The following PDCD7 variants were observed in gnomAD, a reference collection of about 807,000 sequenced individuals.
PDCD7 encodes programmed cell death protein 7.
PDCD7 carries 40 observed loss-of-function variants against 42.1 expected under a neutral mutation model. The observed-to-expected ratio is 0.95, with a 90% confidence interval of 0.74 to 1.24. The LOEUF (loss-of-function observed/expected upper bound fraction) is 1.24. Ranked by LOEUF, PDCD7 falls within the 50% of genes most tolerant of loss-of-function variation. The pLI, the probability that PDCD7 is intolerant of heterozygous loss-of-function variation, is 0.00. For missense variants in PDCD7, 644 were observed against 662.8 expected, an observed-to-expected ratio of 0.97 and a Z score of 0.31; for synonymous variants, 299 against 303.3, an observed-to-expected ratio of 0.99 and a Z score of 0.15.
At position 65,118,852 on chromosome 15, in the gene PDCD7, C is replaced by T; in HGVS notation, c.1335-12G>A. On this transcript the variant is annotated splice_polypyrimidine_tract_variant and intron_variant, in intron 4 of 4. Coordinates refer to ENST00000204549, the MANE Select transcript of PDCD7 (RefSeq NM_005707.2). ...GATCCCAATCATGCCTTAATAAGAA[C>T]ATTATAGAACAACTATTTATTTCTG... 2 of 1,539,430 alleles carry T rather than the reference C, an allele frequency of 1.3e-6. No homozygotes were observed. Among genetic ancestry groups the T allele is most frequent in the Non-Finnish European group, 1.8e-6 (2 of 1,142,522 alleles).
rs368851721 is a variant in PDCD7 at position 65,119,918 on chromosome 15, G to A, written c.1046C>T (p.Thr349Met). ...CPPASADETFTHHLQRLRKLI... is the reference protein window; with the variant it reads ...CPPASADETFMHHLQRLRKLI... ...TTTTCTCAGTCGCTGAAGATGATGC[G>A]TAAAAGTCTCATCTGCTGAGGCTGG... The change falls in exon 3 of 5, where the codon ACG (threonine) becomes ATG (methionine). Residue 349 changes from threonine to methionine, a missense_variant. By Grantham distance (81) the Thr-to-Met change is moderately conservative. Coordinates refer to ENST00000204549, the MANE Select transcript of PDCD7 (RefSeq NM_005707.2). 713 of 1,613,896 alleles carry A rather than the reference G, an allele frequency of 4.4e-4. No homozygotes were observed. Among genetic ancestry groups the A allele is most frequent in the Non-Finnish European group, 5.0e-4 (591 of 1,180,014 alleles).
Position 65,133,439 on chromosome 15 carries a change from C to A in PDCD7, c.343G>T (p.Gly115Trp). Residue 115 changes from glycine to tryptophan, a missense_variant, in exon 1 of 5, where the codon GGG (glycine) becomes TGG (tryptophan). Transcript: ENST00000204549. The part of the protein sequence containing the change: ...ERPRPPPPGP[G>W]PPWSPRWPEA... ...GGCCACCGCGGGCTCCAGGGCGGCC[C>A]CGGGCCGGGAGGCGGTGGCCGCGGC... 1.7e-6 allele frequency: 2 copies of A among 1,190,588 alleles called. No homozygotes were observed. Among genetic ancestry groups the A allele is most frequent in the Non-Finnish European group, 1.0e-6 (1 of 961,540 alleles). The allele number at this position is 1,190,588 out of a possible 1,614,324, so 73.8% of individuals were successfully genotyped here.
At position 65,119,904 on chromosome 15, in the gene PDCD7, G is replaced by A. The variant is rs1463463464; in HGVS notation, c.1060C>T (p.Arg354Ter). 9.9e-6 allele frequency: 16 copies of A among 1,613,888 alleles called. No individual in the cohort carries two copies. The highest frequency in any genetic ancestry group is 2.2e-5 in the East Asian group (1 of 44,888). ...ADETFTHHLQRLRKLIKKRSE... is the reference protein window; with the variant it reads ...ADETFTHHLQ The stretch of plus-strand genomic sequence containing the variant: ...CGCTTTTTAATGAGTTTTCTCAGTC[G>A]CTGAAGATGATGCGTAAAAGTCTCA... The change falls in exon 3 of 5, where the codon CGA becomes TGA. Residue 354 changes from arginine to a stop codon, truncating the protein, a stop_gained. Transcript: ENST00000204549. LOFTEE classifies it high-confidence loss of function.
Position 65,129,082 on chromosome 15 carries a change from C to G in PDCD7, c.959G>C (p.Arg320Pro), listed in dbSNP as rs752218944. ...ADTKRMVDILRALEKLRKLRK... is the reference protein window; with the variant it reads ...ADTKRMVDILPALEKLRKLRK... ...CAGTTTCCTCAATTTCTCCAAAGCC[C>G]GTAGAATGTCCACCATTCTTTTGGT... The change falls in exon 2 of 5, where the codon CGG becomes CCG. Residue 320 changes from arginine to proline, a missense_variant. Arg to Pro is a moderately radical substitution (Grantham distance 103). Coordinates refer to ENST00000204549, the MANE Select transcript of PDCD7 (RefSeq NM_005707.2). 9 of 1,613,992 alleles carry G rather than the reference C, an allele frequency of 5.6e-6. No homozygotes were observed. The highest frequency in any genetic ancestry group is 8.5e-7 in the Non-Finnish European group (1 of 1,179,884).
At chr15:65,120,486 C>T (rs2087444797) in intron 2 of PDCD7, among the ~76,000 whole-genome samples, 1 of 152,072 alleles carries the variant, frequency 6.6e-6, no homozygotes, top group Non-Finnish European at 1.5e-5. Flanking sequence ...TGTATGAGGT[C>T]TCACGAGGTC....
In PDCD7 at chr15:65,133,077, C is replaced by T; in HGVS notation, c.705G>A (p.Ala235=). 2 of 1,573,216 alleles carry T rather than the reference C, an allele frequency of 1.3e-6. No individual in the cohort carries two copies. Among genetic ancestry groups the T allele is most frequent in the Non-Finnish European group, 1.7e-6 (2 of 1,166,114 alleles). ...GCCGGACCCTCTCCAGCCTCCTCCG[C>T]GCCTCGCCCACATAGGCAGCCTGGG... is the stretch of plus-strand genomic sequence containing the variant. ...PLTQAAYVGE[A]RRRLERVRRR... Residue 235 remains alanine, a synonymous_variant, in exon 1 of 5, where the codon GCG becomes GCA. Transcript: ENST00000204549.
At chr15:65,131,738 A>G (rs1197847946) in intron 1 of PDCD7, among the ~76,000 whole-genome samples, 3 of 152,138 alleles carry the variant, frequency 2.0e-5, no homozygotes, top group Admixed American at 2.0e-4. Context: ...AACAAGAGCG[A>G]AACTCCATCT....
intron 2 of PDCD7, 58 bp from the exon 3 acceptor site, chr15:65,120,012 G>C: frequency 6.5e-7 from 1 of 1,538,104 alleles, no homozygotes; most frequent in South Asian, 1.2e-5. Flanking sequence ...ACAAGGCCTC[G>C]CTCTAACACC....
At chr15:65,121,692 C>T (rs2087456200) in intron 2 of PDCD7, among the ~76,000 whole-genome samples, 1 of 152,164 alleles carries the variant, frequency 6.6e-6, no homozygotes, top group Admixed American at 6.5e-5. Context: ...GGTCAGCTAA[C>T]AGTATAGCCA....
intron 2 of PDCD7, among the ~76,000 whole-genome samples, chr15:65,120,826 C>T (rs1430060263): frequency 6.6e-6 from 1 of 152,186 alleles, no homozygotes; most frequent in Non-Finnish European, 1.5e-5. Context: ...CCACTGCATC[C>T]AGCCCAAATG....
Position 65,119,025 on chromosome 15 carries a change from T to C in PDCD7, c.1335-185A>G, listed in dbSNP as rs1595925991. ...ATGTACATATAAAAAGAGGAAAAAC[T>C]CTGAAGAACTTAAACCTTATGGATA... is the stretch of plus-strand genomic sequence containing the variant. On this transcript the variant is annotated intron_variant, in intron 4 of 4. Coordinates refer to ENST00000204549, the MANE Select transcript of PDCD7 (RefSeq NM_005707.2). The C allele has an allele frequency of 1.1e-5, 5 of 466,442 alleles. No homozygotes were observed. The East Asian group carries it at 1.7e-4, about 16-fold the overall frequency. The allele number at this position is 466,442 out of a possible 1,614,324, so 28.9% of individuals were successfully genotyped here. A position where few individuals can be genotyped will look rare whatever the true frequency, so the allele number is the denominator to read the frequency against.
Position 65,118,572 on chromosome 15 carries a change from A to G in PDCD7, c.*145T>C, listed in dbSNP as rs531230897. The G allele has an allele frequency of 2.2e-4, 180 of 803,468 alleles. 1 individual carries two copies. The African/African-American group carries it at 2.9e-3, about 13-fold the overall frequency. 49.8% of individuals were successfully genotyped at this position (803,468 alleles called of 1,614,324 possible). A position where few individuals can be genotyped will look rare whatever the true frequency, so the allele number is the denominator to read the frequency against. The stretch of plus-strand genomic sequence containing the variant: ...GAGGCACCTCTGGCCAGCACAGAGC[A>G]CAGAAGGAAAGCATAACTTCAGGGT... On this transcript the variant is annotated 3_prime_UTR_variant, in exon 5 of 5. Transcript: ENST00000204549.
At chr15:65,131,772 C>A (rs1332933283) in intron 1 of PDCD7, among the ~76,000 whole-genome samples, 2 of 151,822 alleles carry the variant, frequency 1.3e-5, no homozygotes, top group African/African-American at 2.4e-5. Flanking sequence ...AAAGAAAATG[C>A]CTTAGAAAAC....
chr15:65,133,390 TCGGCCGGCGGCGGCGG>T lies in PDCD7; in HGVS notation c.376_391del (p.Pro126ThrfsTer61). 1 of 1,194,882 alleles carries T rather than the reference TCGGCCGGCGGCGGCGG, an allele frequency of 8.4e-7. No individual in the cohort carries two copies. Among genetic ancestry groups the T allele is most frequent in the African/African-American group, 1.6e-5 (1 of 62,720 alleles). 74.0% of individuals were successfully genotyped at this position (1,194,882 alleles called of 1,614,324 possible). A position where few individuals can be genotyped will look rare whatever the true frequency, so the allele number is the denominator to read the frequency against. On this transcript the variant is annotated frameshift_variant, in exon 1 of 5. Coordinates refer to ENST00000204549, the MANE Select transcript of PDCD7 (RefSeq NM_005707.2). LOFTEE classifies it high-confidence loss of function. The stretch of plus-strand genomic sequence containing the variant: ...TTGGAGGGCCGCATCCCCGAGCACG[TCGGCCGGCGGCGGCGG>T]CGCCTCAGGCCACCGCGGGCTCCAG...
intron 1 of PDCD7, among the ~76,000 whole-genome samples, chr15:65,129,768 A>AT (rs1302484056): frequency 6.6e-6 from 1 of 152,076 alleles, no homozygotes; most frequent in Non-Finnish European, 1.5e-5. Flanking sequence ...TATCCTCACC[A>AT]TGGAAGCTGG....
At chr15:65,129,455 T>C (rs765734312) in intron 1 of PDCD7, among the ~76,000 whole-genome samples, 1 of 152,224 alleles carries the variant, frequency 6.6e-6, no homozygotes, top group Non-Finnish European at 1.5e-5. Flanking sequence ...CAAAGTGTAG[T>C]GCAGAGATCA....
chr15:65,129,425 G>C (rs1439461913), intron 1 of PDCD7, among the ~76,000 whole-genome samples: 1 of 152,160 alleles, frequency 6.6e-6, no homozygotes, highest in Non-Finnish European at 1.5e-5. Context: ...CACTGGTTTT[G>C]TTTCTTCCTC....
intron 1 of PDCD7, among the ~76,000 whole-genome samples, chr15:65,130,401 GC>G (rs2087530407): frequency 6.6e-6 from 1 of 151,860 alleles, no homozygotes; most frequent in Non-Finnish European, 1.5e-5. Flanking sequence ...CAGGTGATCC[GC>G]CCGCCTTGGC....
chr15:65,133,797 G>A lies in PDCD7; in HGVS notation c.-16C>T, dbSNP rs779916532. ...GCAGGGCCATGTTCACGACGGAGAT[G>A]CTTTGAGAAGTGACAGGAATCTGAG... On this transcript the variant is annotated 5_prime_UTR_variant, in exon 1 of 5. Coordinates refer to ENST00000204549, the MANE Select transcript of PDCD7 (RefSeq NM_005707.2). 440 of 1,361,294 alleles carry A rather than the reference G, an allele frequency of 3.2e-4. No individual in the cohort carries two copies. The highest frequency in any genetic ancestry group is 4.1e-4 in the Non-Finnish European group (432 of 1,055,842). 84.3% of individuals were successfully genotyped at this position (1,361,294 alleles called of 1,614,324 possible). A position where few individuals can be genotyped will look rare whatever the true frequency, so the allele number is the denominator to read the frequency against.
Sources: gnomAD v4.1 joint callset for allele counts (sites outside exome capture counted in the v4.1 genomes callset) on GRCh38, gnomAD v4.1.1 for gene constraint, MANE v1.5 for transcripts, NCBI Gene and HGNC (gene_info 2026-07-23, HGNC 2026-07-21) for gene names.